Variants in IMPG1 observed in about 807,000 individuals in gnomAD.
The protein encoded by IMPG1 is interphotoreceptor matrix proteoglycan of 150 kDa.
In IMPG1, 85 loss-of-function variants were observed where a neutral mutation model predicts 92.0. The observed-to-expected ratio is 0.92, with a 90% confidence interval of 0.78 to 1.11. The LOEUF (loss-of-function observed/expected upper bound fraction) is 1.11, where lower values mean the gene tolerates loss of function less well. Among genes scored for constraint, IMPG1 ranks in the 50% least tolerant of loss-of-function variants. The pLI, the probability that IMPG1 is intolerant of heterozygous loss-of-function variation, is 0.00. For missense variants in IMPG1, 1,022 were observed against 956.0 expected, an observed-to-expected ratio of 1.07 and a Z score of -0.91; for synonymous variants, 367 against 334.1, an observed-to-expected ratio of 1.10 and a Z score of -1.08.
rs59220395 is a variant in IMPG1 at position 75,974,401 on chromosome 6, T to TTCCTTCCTTGCTTGC, written c.1292-23308_1292-23307insGCAAGCAAGGAAGGA. On this transcript the variant is annotated intron_variant, in intron 12 of 16. Transcript: ENST00000369950. ...TTTCTTTCTTTCTTTCTTTTCTTTC[T>TTCCTTCCTTGCTTGC]TTCCTTCCTTCCTTCCTTCCTTCCT... Among the ~76,000 whole-genome samples the TTCCTTCCTTGCTTGC allele has an allele frequency of 7.5e-5, 7 of 92,824 alleles. 1 individual carries two copies. Among genetic ancestry groups the TTCCTTCCTTGCTTGC allele is most frequent in the African/African-American group, 2.7e-4 (7 of 25,810 alleles). 60.9% of individuals were successfully genotyped at this position (92,824 alleles called of 152,430 possible). A position where few individuals can be genotyped will look rare whatever the true frequency, so the allele number is the denominator to read the frequency against.
At chr6:75,928,542 ACTGATTGT>A in intron 15 of IMPG1, 1 of 152,018 alleles carries the variant, frequency 6.6e-6, no homozygotes. Flanking sequence ...AATTCTCTCA[ACTGATTGT>A]TTACAGTCAA....
intron 7 of IMPG1, among the ~76,000 whole-genome samples, chr6:76,014,991 A>G (rs952547891): frequency 2.6e-5 from 4 of 152,218 alleles, no homozygotes; most frequent in African/African-American, 7.2e-5. Flanking sequence ...GTCATGGAGC[A>G]CTAACCACTA....
At chr6:75,940,746 T>C (rs1781825906) in intron 14 of IMPG1, among the ~76,000 whole-genome samples, 1 of 152,144 alleles carries the variant, frequency 6.6e-6, no homozygotes, top group African/African-American at 2.4e-5. Context: ...TTCCTTCCAA[T>C]CTGAGCTATC....
chr6:76,053,680 G>A (rs1178667404), intron 1 of IMPG1, among the ~76,000 whole-genome samples: 5 of 151,954 alleles, frequency 3.3e-5, no homozygotes, highest in Non-Finnish European at 5.9e-5. Context: ...TGTATCATCC[G>A]ATTCCTATCA....
intron 15 of IMPG1, among the ~76,000 whole-genome samples, chr6:75,925,596 G>A (rs939413883): frequency 1.3e-5 from 2 of 152,122 alleles, no homozygotes; most frequent in Non-Finnish European, 2.9e-5. Context: ...GTAGGCTGAG[G>A]TGGGAGGATT....
At chr6:75,992,625 A>G (rs952370833) in intron 12 of IMPG1, among the ~76,000 whole-genome samples, 1 of 152,200 alleles carries the variant, frequency 6.6e-6, no homozygotes, top group Non-Finnish European at 1.5e-5. Context: ...AGCTGTAGGC[A>G]GACAAACTTT....
chr6:76,028,596 G>A (rs181443918), intron 4 of IMPG1, among the ~76,000 whole-genome samples: 177 of 152,280 alleles, frequency 1.2e-3, no homozygotes, highest in African/African-American at 3.8e-3. Context: ...TTGGGAGGCC[G>A]AGGCGGGTGG....
In IMPG1 at chr6:75,967,253, C is replaced by G. The variant is rs80273383; in HGVS notation, c.1292-16159G>C. Reference sequence around the variant, plus strand: ...AATGGAATTATCCATGGCAAGTTATCCCTTGCTATGGTCTGAATGTTTGTA... The same window carrying G: ...AATGGAATTATCCATGGCAAGTTATGCCTTGCTATGGTCTGAATGTTTGTA... On this transcript the variant is annotated intron_variant, in intron 12 of 16. Coordinates refer to ENST00000369950, the MANE Select transcript of IMPG1 (RefSeq NM_001563.4). Among the ~76,000 whole-genome samples, 2,772 of 152,182 alleles carry G rather than the reference C, an allele frequency of 0.018. 139 individuals are homozygous for G. In the East Asian group the frequency reaches 0.21, roughly 11 times the overall value.
intron 12 of IMPG1, among the ~76,000 whole-genome samples, chr6:75,992,658 C>G (rs984166078): frequency 1.7e-4 from 26 of 151,958 alleles, no homozygotes; most frequent in African/African-American, 6.3e-4. Flanking sequence ...TTTTCATTAC[C>G]ACCTTCATTT....
At chr6:76,027,002 T>C (rs1783553201) in intron 4 of IMPG1, among the ~76,000 whole-genome samples, 1 of 152,206 alleles carries the variant, frequency 6.6e-6, no homozygotes, top group African/African-American at 2.4e-5. Flanking sequence ...TGCCTCTCTG[T>C]GTGTGTACTG....
intron 16 of IMPG1, among the ~76,000 whole-genome samples, chr6:75,922,927 G>GT (rs1582042143): frequency 1.3e-5 from 2 of 151,886 alleles, no homozygotes; most frequent in Non-Finnish European, 1.5e-5. Context: ...CAGCACTGTA[G>GT]ACTTTAGATA....
intron 1 of IMPG1, among the ~76,000 whole-genome samples, chr6:76,060,514 A>G (rs1403666251): frequency 1.3e-5 from 2 of 152,154 alleles, no homozygotes; most frequent in Non-Finnish European, 2.9e-5. Context: ...GTTGGACTCA[A>G]AGCAGAGTGC....
At chr6:76,060,755 C>A (rs1784191748) in intron 1 of IMPG1, among the ~76,000 whole-genome samples, 1 of 152,136 alleles carries the variant, frequency 6.6e-6, no homozygotes, top group Admixed American at 6.6e-5. Flanking sequence ...TTCCCCACGA[C>A]TGCAGAGGTC....
At chr6:75,986,786 A>G (rs1782724993) in intron 12 of IMPG1, among the ~76,000 whole-genome samples, 1 of 152,218 alleles carries the variant, frequency 6.6e-6, no homozygotes. Flanking sequence ...ATGAAATGAG[A>G]AATACATTAG....
intron 13 of IMPG1, among the ~76,000 whole-genome samples, chr6:75,948,215 G>A (rs751895671): frequency 1.7e-4 from 26 of 152,172 alleles, no homozygotes; most frequent in Admixed American, 3.3e-4. Context: ...CCAGCGAGCC[G>A]TTTCCAAACT....
In IMPG1 at chr6:75,961,169, A is replaced by G. The variant is rs188083550; in HGVS notation, c.1292-10075T>C. On this transcript the variant is annotated intron_variant, in intron 12 of 16. Coordinates refer to ENST00000369950, the MANE Select transcript of IMPG1 (RefSeq NM_001563.4). ...AAGTACAGATGAAAGGCTATTTTAA[A>G]TGCTACTAGAAAGGGTCACATATAT... Among the ~76,000 whole-genome samples the G allele has an allele frequency of 1.1e-3, 172 of 152,314 alleles. 1 individual carries two copies. The highest frequency in any genetic ancestry group is 1.6e-3 in the Admixed American group (25 of 15,294).
intron 12 of IMPG1, among the ~76,000 whole-genome samples, chr6:75,999,041 G>A (rs566179948): frequency 6.6e-6 from 1 of 152,200 alleles, no homozygotes; most frequent in Admixed American, 6.5e-5. Context: ...ATTTTTAGTA[G>A]AGACAGGGTT....
chr6:75,931,731 A>T (rs1280392096), intron 14 of IMPG1, among the ~76,000 whole-genome samples: 2 of 152,178 alleles, frequency 1.3e-5, no homozygotes, highest in East Asian at 3.8e-4. Flanking sequence ...TTTTGGATTA[A>T]TTATTTCTTC....
chr6:76,067,971 T>A (rs78211767), intron 1 of IMPG1, among the ~76,000 whole-genome samples: 1 of 152,118 alleles, frequency 6.6e-6, no homozygotes, highest in African/African-American at 2.4e-5. Context: ...GAAAAAGCAT[T>A]TGATTAAATA....
Sources: gnomAD v4.1 joint callset for allele counts (sites outside exome capture counted in the v4.1 genomes callset) on GRCh38, gnomAD v4.1.1 for gene constraint, MANE v1.5 for transcripts, NCBI Gene and HGNC (gene_info 2026-07-23, HGNC 2026-07-21) for gene names.